GRIK4: variants seen among roughly 807,000 people sequenced by gnomAD.
The protein encoded by GRIK4 is glutamate receptor ionotropic, kainate 4.
A neutral mutation model predicts 104.9 loss-of-function variants in GRIK4; 40 were observed. That is an observed-to-expected ratio of 0.38 (90% CI 0.30 to 0.50). The LOEUF is 0.50. Ranked by LOEUF, GRIK4 falls within the 20% of genes least tolerant of loss-of-function variation. GRIK4 has a pLI of 0.93. For synonymous variants in GRIK4, 485 were observed against 524.9 expected (o/e 0.92, Z 1.04); for missense variants, 1,047 against 1,308.1 (o/e 0.80, Z 3.08).
intron 1 of GRIK4, among the ~76,000 whole-genome samples, chr11:120,527,868 C>T (rs78354899): frequency 0.11 from 17,232 of 152,284 alleles, 1,342 homozygotes; most frequent in African/African-American, 0.22. Context: ...AGCCTCACCT[C>T]CTCTGGGAGG....
At chr11:120,543,554 G>A (rs1387811151) in intron 1 of GRIK4, among the ~76,000 whole-genome samples, 1 of 152,152 alleles carries the variant, frequency 6.6e-6, no homozygotes, top group Non-Finnish European at 1.5e-5. Flanking sequence ...CAGCCTAGGT[G>A]ACAGAGTGAG....
At chr11:120,628,396 C>T (rs1415242913) in intron 1 of GRIK4, among the ~76,000 whole-genome samples, 1 of 152,222 alleles carries the variant, frequency 6.6e-6, no homozygotes, top group African/African-American at 2.4e-5. Context: ...TGCCCTTTCC[C>T]TTAGCGGAAA....
intron 3 of GRIK4, among the ~76,000 whole-genome samples, chr11:120,733,503 G>T (rs959052950): frequency 2.0e-5 from 3 of 151,400 alleles, no homozygotes; most frequent in South Asian, 2.1e-4. Context: ...ATTTTTTTGG[G>T]GGGGGAGCTT....
At chr11:120,749,869 G>A (rs1951516448) in intron 3 of GRIK4, among the ~76,000 whole-genome samples, 1 of 152,170 alleles carries the variant, frequency 6.6e-6, no homozygotes, top group South Asian at 2.1e-4. Flanking sequence ...ATTTTTTGCT[G>A]ACAGATTAGA....
chr11:120,864,456 T>G (rs4635089), intron 9 of GRIK4, among the ~76,000 whole-genome samples: 3,997 of 151,970 alleles, frequency 0.026, 68 homozygotes, highest in Non-Finnish European at 0.04. Context: ...TAGCCAGGAG[T>G]GTCTCGATCT....
At chr11:120,852,771 A>G (rs1954003408) in intron 8 of GRIK4, among the ~76,000 whole-genome samples, 1 of 152,168 alleles carries the variant, frequency 6.6e-6, no homozygotes, top group Non-Finnish European at 1.5e-5. Context: ...GGAGGGAAGG[A>G]GAGGATGTAA....
At chr11:120,521,978 G>C (rs1341607647) in intron 1 of GRIK4, among the ~76,000 whole-genome samples, 2 of 152,276 alleles carry the variant, frequency 1.3e-5, no homozygotes, top group Middle Eastern at 3.4e-3. Context: ...TAGATGCTTT[G>C]TATGTATTAA....
chr11:120,882,742 A>G (rs1218996120), intron 11 of GRIK4, among the ~76,000 whole-genome samples: 2 of 152,180 alleles, frequency 1.3e-5, no homozygotes, highest in African/African-American at 4.8e-5. Context: ...CAGTGAGAGT[A>G]TCATTCCTGG....
chr11:120,968,184 G>A (rs1367176245), intron 19 of GRIK4, among the ~76,000 whole-genome samples: 3 of 152,156 alleles, frequency 2.0e-5, no homozygotes, highest in Non-Finnish European at 2.9e-5. Context: ...GCTAAGAAGT[G>A]TTGACGGTCC....
intron 3 of GRIK4, among the ~76,000 whole-genome samples, chr11:120,737,602 A>G (rs767411068): frequency 2.0e-5 from 3 of 152,240 alleles, no homozygotes; most frequent in Non-Finnish European, 2.9e-5. Context: ...GAGATGAAGG[A>G]GGAATCCGTA....
intron 8 of GRIK4, among the ~76,000 whole-genome samples, chr11:120,854,932 A>G (rs189065859): frequency 2.6e-4 from 40 of 152,318 alleles, no homozygotes; most frequent in African/African-American, 8.7e-4. Flanking sequence ...AAGACAGTGT[A>G]TGATTTAAAA....
At chr11:120,640,515 A>G (rs1949456746) in intron 1 of GRIK4, among the ~76,000 whole-genome samples, 1 of 152,158 alleles carries the variant, frequency 6.6e-6, no homozygotes, top group Admixed American at 6.5e-5. Flanking sequence ...CATGGGTTCT[A>G]TTAATTTAAA....
At chr11:120,634,720 C>T (rs1313587476) in intron 1 of GRIK4, among the ~76,000 whole-genome samples, 5 of 152,116 alleles carry the variant, frequency 3.3e-5, no homozygotes, top group African/African-American at 4.8e-5. Context: ...GAACGGAGTC[C>T]GGAGACAGTG....
chr11:120,763,695 T>C (rs1023598125), intron 3 of GRIK4, among the ~76,000 whole-genome samples: 4 of 152,224 alleles, frequency 2.6e-5, no homozygotes, highest in African/African-American at 9.6e-5. Flanking sequence ...CTTAATTTCA[T>C]TATTTACCCA....
intron 1 of GRIK4, among the ~76,000 whole-genome samples, chr11:120,572,428 C>T (rs1948413167): frequency 6.6e-6 from 1 of 152,138 alleles, no homozygotes; most frequent in Non-Finnish European, 1.5e-5. Context: ...CAGGTGGGAA[C>T]TCACCTGAAG....
chr11:120,515,990 C>T (rs1014622512), intron 1 of GRIK4, among the ~76,000 whole-genome samples: 1 of 152,218 alleles, frequency 6.6e-6, no homozygotes, highest in Non-Finnish European at 1.5e-5. Flanking sequence ...CTCTGTCCCA[C>T]ATCCCAGACT....
intron 18 of GRIK4, among the ~76,000 whole-genome samples, chr11:120,965,056 G>C (rs1408227125): frequency 6.6e-6 from 1 of 152,226 alleles, no homozygotes; most frequent in African/African-American, 2.4e-5. Context: ...TTTAGGTCCA[G>C]CTGGGAGTAT....
At position 120,802,315 on chromosome 11, in the gene GRIK4, A is replaced by G. The variant is rs974246030; in HGVS notation, c.83-378A>G. The stretch of plus-strand genomic sequence containing the variant: ...GAGTTTCTCATATGTTCAGAATACT[A>G]TTTCAAAGGACAGCCACTACCCGCC... On this transcript the variant is annotated intron_variant, in intron 3 of 20. Transcript: ENST00000527524. Among the ~76,000 whole-genome samples, 3 of 152,056 alleles carry G rather than the reference A, an allele frequency of 2.0e-5. No individual in the cohort carries two copies. The East Asian group carries it at 5.8e-4, about 29-fold the overall frequency.
At chr11:120,946,650 ACAGTGC>A (rs1270631540) in intron 14 of GRIK4, among the ~76,000 whole-genome samples, 2 of 152,210 alleles carry the variant, frequency 1.3e-5, no homozygotes, top group Admixed American at 6.5e-5. Flanking sequence ...GTTTAACGGA[ACAGTGC>A]CCGGAAGCAG....
Sources: allele counts gnomAD v4.1 joint callset (sites outside exome capture counted in the v4.1 genomes callset), GRCh38; gene constraint gnomAD v4.1.1; transcripts MANE v1.5; gene names NCBI Gene and HGNC (gene_info 2026-07-23, HGNC 2026-07-21).